Variants in EYS observed in about 807,000 individuals in gnomAD.
EYS encodes the protein EGF-like photoreceptor maintenance factor.
EYS carries 250 observed loss-of-function variants against 282.1 expected under a neutral mutation model. The ratio of observed to expected loss-of-function variants is 0.89; its 90% CI spans 0.80 to 0.98. The LOEUF is 0.98. Ranked by LOEUF, EYS falls within the 50% of genes least tolerant of loss-of-function variation. The probability of loss-of-function intolerance (pLI) is 0.00; values close to 1 mark genes in which losing one functional copy is unlikely to be tolerated. For missense variants in EYS, 4,016 were observed against 3,709.0 expected (o/e 1.08, Z -2.15); for synonymous variants, 1,355 against 1,282.9 (o/e 1.06, Z -1.20).
chr6:64,836,164 A>C (rs571110208), intron 19 of EYS, among the ~76,000 whole-genome samples: 26 of 137,088 alleles, frequency 1.9e-4, no homozygotes, highest in African/African-American at 6.3e-4. Context: ...AAAAATAATT[A>C]CTTAAACAAT....
At chr6:63,754,486 T>A (rs544867882) in intron 41 of EYS, among the ~76,000 whole-genome samples, 5 of 152,298 alleles carry the variant, frequency 3.3e-5, no homozygotes, top group African/African-American at 1.2e-4. Flanking sequence ...AATGCTGGTT[T>A]CCAGCTTCAT....
chr6:65,614,196 G>A (rs1323762222), intron 2 of EYS, among the ~76,000 whole-genome samples: 1 of 151,914 alleles, frequency 6.6e-6, no homozygotes, highest in Non-Finnish European at 1.5e-5. Flanking sequence ...TGCACATTAT[G>A]AGTGTTTTTG....
intron 12 of EYS, among the ~76,000 whole-genome samples, chr6:65,104,686 G>A (rs1489385880): frequency 1.3e-5 from 2 of 151,234 alleles, no homozygotes; most frequent in Admixed American, 6.6e-5. Context: ...CTCATCTTGT[G>A]TAATATTGTG....
Position 65,495,503 on chromosome 6 carries a change from T to A in EYS, c.-93A>T. ...GGAAATTTCCAAGTAAAGTTGTGGT[T>A]AAGGATTCCTGGGAATTGGAATTGA... On this transcript the variant is annotated 5_prime_UTR_variant, in exon 4 of 43. Transcript: ENST00000503581. The A allele has an allele frequency of 7.2e-7, 1 of 1,381,518 alleles. No individual in the cohort carries two copies. Among genetic ancestry groups the A allele is most frequent in the Non-Finnish European group, 1.0e-6 (1 of 996,890 alleles). The allele number at this position is 1,381,518 out of a possible 1,614,324, so 85.6% of individuals were successfully genotyped here. A position where few individuals can be genotyped will look rare whatever the true frequency, so the allele number is the denominator to read the frequency against.
intron 22 of EYS, among the ~76,000 whole-genome samples, chr6:64,769,728 T>G (rs1166487249): frequency 2.6e-5 from 4 of 151,678 alleles, no homozygotes; most frequent in Non-Finnish European, 5.9e-5. Flanking sequence ...CTGAAGGAGA[T>G]GAAAAACTGA....
chr6:64,177,891 T>C (rs1764682449), intron 31 of EYS, among the ~76,000 whole-genome samples: 1 of 152,144 alleles, frequency 6.6e-6, no homozygotes, highest in African/African-American at 2.4e-5. Context: ...CATTAAACTC[T>C]CACATCTTTA....
intron 33 of EYS, among the ~76,000 whole-genome samples, chr6:64,065,470 A>G (rs1771333066): frequency 2.0e-5 from 3 of 152,234 alleles, no homozygotes; most frequent in South Asian, 2.1e-4. Flanking sequence ...AGATGTGATC[A>G]TCATTTAGCA....
Position 65,407,774 on chromosome 6 carries a change from TGTGTG to T in EYS, c.863-2412_863-2408del, listed in dbSNP as rs1421540459. ...GTGTGTGTGTGTGTGTGTGTGTGTG[TGTGTG>T]TGTGTGTATGTCTAACAAATAGCCT... is the stretch of plus-strand genomic sequence containing the variant. On this transcript the variant is annotated intron_variant, in intron 5 of 42. Transcript: ENST00000503581. Among the ~76,000 whole-genome samples, 428 of 151,446 alleles carry T rather than the reference TGTGTG, an allele frequency of 2.8e-3. 5 individuals are homozygous for T. Among genetic ancestry groups the T allele is most frequent in the African/African-American group, 0.01 (415 of 41,134 alleles).
intron 31 of EYS, among the ~76,000 whole-genome samples, chr6:64,226,754 G>T (rs568542384): frequency 7.9e-5 from 12 of 152,200 alleles, no homozygotes; most frequent in Middle Eastern, 6.8e-3. Flanking sequence ...AACGTTATTA[G>T]CTGATTGGAT....
At chr6:65,040,443 C>T (rs1772900129) in intron 13 of EYS, among the ~76,000 whole-genome samples, 2 of 151,686 alleles carry the variant, frequency 1.3e-5, no homozygotes, top group Non-Finnish European at 3.0e-5. Flanking sequence ...TTGATAAGGA[C>T]ATCAGTCATA....
chr6:65,500,976 AT>A lies in EYS; in HGVS notation c.-332-4984del, dbSNP rs552313815. Among the ~76,000 whole-genome samples, 63 of 152,100 alleles carry A rather than the reference AT, an allele frequency of 4.1e-4. 1 individual carries two copies. The East Asian group carries it at 0.011, about 27-fold the overall frequency. On this transcript the variant is annotated intron_variant, in intron 2 of 42. Coordinates refer to ENST00000503581, the MANE Select transcript of EYS (RefSeq NM_001142800.2). ...TCACTCAGCTACTTACAAATGTATAATTTTATAATGCTTTTTAACATGCTTA... is the reference window on the plus strand; with the variant it reads ...TCACTCAGCTACTTACAAATGTATAATTTATAATGCTTTTTAACATGCTTA...
chr6:64,057,191 A>T (rs923223216), intron 33 of EYS, among the ~76,000 whole-genome samples: 1 of 152,158 alleles, frequency 6.6e-6, no homozygotes, highest in Non-Finnish European at 1.5e-5. Context: ...GAAAATTGGT[A>T]AATCTTTTAA....
At chr6:64,573,215 A>C (rs1034776489) in intron 26 of EYS, among the ~76,000 whole-genome samples, 4 of 152,222 alleles carry the variant, frequency 2.6e-5, no homozygotes, top group African/African-American at 9.6e-5. Flanking sequence ...AAAACTGGCT[A>C]GGCATATGCA....
At chr6:63,943,887 A>G (rs938831891) in intron 35 of EYS, among the ~76,000 whole-genome samples, 7 of 152,208 alleles carry the variant, frequency 4.6e-5, no homozygotes, top group African/African-American at 1.7e-4. Context: ...GTTAATAATA[A>G]TATTCAATAA....
chr6:63,752,713 T>C (rs1490241033), intron 41 of EYS, among the ~76,000 whole-genome samples: 1 of 151,998 alleles, frequency 6.6e-6, no homozygotes, highest in Non-Finnish European at 1.5e-5. Flanking sequence ...CCCAGGATGG[T>C]CTCGATCTCC....
chr6:63,832,044 A>T (rs920397212), intron 36 of EYS, among the ~76,000 whole-genome samples: 7 of 152,216 alleles, frequency 4.6e-5, no homozygotes, highest in African/African-American at 1.2e-4. Flanking sequence ...ACATATCAGG[A>T]TCTCTGGGAT....
At chr6:63,955,167 T>G (rs1222660781) in intron 35 of EYS, among the ~76,000 whole-genome samples, 1 of 151,870 alleles carries the variant, frequency 6.6e-6, no homozygotes, top group Non-Finnish European at 1.5e-5. Context: ...CTGTCAAACA[T>G]AATTCCTTAG....
chr6:65,481,083 A>G (rs548506571), intron 5 of EYS, among the ~76,000 whole-genome samples: 1 of 152,196 alleles, frequency 6.6e-6, no homozygotes, highest in Non-Finnish European at 1.5e-5. Context: ...AATTTATTAT[A>G]TATTTTCAAA....
At chr6:64,684,598 T>TAG (rs144985094) in intron 22 of EYS, among the ~76,000 whole-genome samples, 2 of 151,654 alleles carry the variant, frequency 1.3e-5, no homozygotes, top group African/African-American at 4.8e-5. Context: ...AAAAAATATA[T>TAG]AGAGAGAGAG....
Sources: allele counts gnomAD v4.1 joint callset (sites outside exome capture counted in the v4.1 genomes callset), GRCh38; gene constraint gnomAD v4.1.1; transcripts MANE v1.5; gene names NCBI Gene and HGNC (gene_info 2026-07-23, HGNC 2026-07-21).